Variants in ACACA observed in about 807,000 individuals in gnomAD.
ACACA encodes acetyl-CoA carboxylase 1.
In ACACA, 103 loss-of-function variants were observed where a neutral mutation model predicts 296.1. The observed-to-expected ratio is 0.35, with a 90% CI of 0.30 to 0.41. The LOEUF (loss-of-function observed/expected upper bound fraction) is 0.41. Ranked by LOEUF, ACACA falls within the 10% of genes least tolerant of loss-of-function variation. The pLI, the probability that ACACA is intolerant of heterozygous loss-of-function variation, is 1.00. For synonymous variants in ACACA, 953 were observed against 1,038.6 expected, an observed-to-expected ratio of 0.92 and a Z score of 1.58; for missense variants, 1,554 against 2,989.7, an observed-to-expected ratio of 0.52 and a Z score of 11.20.
rs1157146495 is a variant in ACACA at position 37,359,088 on chromosome 17, A to G, written c.39-19238T>C. 6.1e-6 allele frequency: 6 copies of G among 985,642 alleles called. No homozygotes were observed. The Admixed American group carries it at 3.7e-4, about 61-fold the overall frequency. 61.1% of individuals were successfully genotyped at this position (985,642 alleles called of 1,614,324 possible). A position where few individuals can be genotyped will look rare whatever the true frequency, so the allele number is the denominator to read the frequency against. ...GGAGGAGACGCCGGCGGCTCGGGCG[A>G]TGGCTGACAGGCGTGCAGCACCAGG... On this transcript the variant is annotated intron_variant, in intron 1 of 55. Coordinates refer to ENST00000616317, the MANE Select transcript of ACACA (RefSeq NM_198834.3).
intron 50 of ACACA, among the ~76,000 whole-genome samples, chr17:37,120,288 CAG>C (rs2074465227): frequency 6.6e-6 from 1 of 151,192 alleles, no homozygotes; most frequent in African/African-American, 2.4e-5. Context: ...TTTTTTGAGA[CAG>C]AGTCTTACCC....
At chr17:37,266,549 C>T (rs984758024) in intron 10 of ACACA, among the ~76,000 whole-genome samples, 24 of 151,324 alleles carry the variant, frequency 1.6e-4, no homozygotes, top group African/African-American at 5.8e-4. Context: ...ATTTCTGAGG[C>T]CTTAAAGTCA....
At chr17:37,222,815 A>G (rs2079360719) in intron 28 of ACACA, among the ~76,000 whole-genome samples, 1 of 152,192 alleles carries the variant, frequency 6.6e-6, no homozygotes, top group African/African-American at 2.4e-5. Flanking sequence ...AAAAACAACT[A>G]TTTGGCAACT....
chr17:37,347,773 AAAAT>A (rs2048699330), intron 1 of ACACA, among the ~76,000 whole-genome samples: 3 of 151,884 alleles, frequency 2.0e-5, no homozygotes, highest in African/African-American at 7.2e-5. Flanking sequence ...AGAAAGAAAA[AAAAT>A]TTTTTAACAA....
Position 37,113,197 on chromosome 17 carries a change from C to G in ACACA, c.6343G>C (p.Val2115Leu). The G allele has an allele frequency of 6.2e-7, 1 of 1,614,198 alleles. No homozygotes were observed. Among genetic ancestry groups the G allele is most frequent in the Non-Finnish European group, 8.5e-7 (1 of 1,180,034 alleles). ...VDGLRECCQPVLVYIPPQAEL... is the reference protein window; with the variant it reads ...VDGLRECCQPLLVYIPPQAEL... ...GCCTGGGGAGGAATGTAAACCAGCA[C>G]AGGCTGGCAGCACTCCCTCAAGCCA... The change falls in exon 51 of 56, where the codon GTG (valine) becomes CTG (leucine). Residue 2115 changes from valine (V) to leucine (L), a missense_variant. Val to Leu is a conservative substitution (Grantham distance 32). Coordinates refer to ENST00000616317, the MANE Select transcript of ACACA (RefSeq NM_198834.3). This position sits in a 1 kb window ranked among gnomAD's most constrained non-coding sequence, Gnocchi z 4.0.
chr17:37,174,005 TATATATA>T lies in ACACA; in HGVS notation c.5079+5248_5079+5254del, dbSNP rs1398879486. ...ATTTATATATATATATATATATATA[TATATATA>T]TATATATATTTTTTTTTTTTTTTTT... is the stretch of plus-strand genomic sequence containing the variant. On this transcript the variant is annotated intron_variant, in intron 41 of 55. Transcript: ENST00000616317. Among the ~76,000 whole-genome samples the T allele has an allele frequency of 2.0e-3, 29 of 14,472 alleles. 2 individuals carry two copies. The highest frequency in any genetic ancestry group is 0.017 in the East Asian group (10 of 596). 9.5% of individuals were successfully genotyped at this position (14,472 alleles called of 152,430 possible). A position where few individuals can be genotyped will look rare whatever the true frequency, so the allele number is the denominator to read the frequency against.
intron 4 of ACACA, among the ~76,000 whole-genome samples, chr17:37,284,298 C>A (rs557500236): frequency 6.6e-6 from 1 of 152,256 alleles, no homozygotes; most frequent in African/African-American, 2.4e-5. Context: ...ACTCTTTAAG[C>A]CTTCTCTTCT....
At chr17:37,199,770 C>T (rs1456246831) in intron 35 of ACACA, among the ~76,000 whole-genome samples, 1 of 151,088 alleles carries the variant, frequency 6.6e-6, no homozygotes, top group African/African-American at 2.4e-5. Flanking sequence ...TGGATAAATG[C>T]TTATGTTCAT....
At chr17:37,244,053 A>G (rs577542120) in intron 21 of ACACA, among the ~76,000 whole-genome samples, 1 of 152,140 alleles carries the variant, frequency 6.6e-6, no homozygotes, top group East Asian at 1.9e-4. Context: ...CATTGCCCCT[A>G]TTCTCCAGTT....
At chr17:37,130,323 A>C in intron 45 of ACACA, 105 bp from the exon 46 acceptor site, 1 of 1,403,048 alleles carries the variant, frequency 7.1e-7, no homozygotes, top group Non-Finnish European at 1.0e-6. Flanking sequence ...CAAAACAGAG[A>C]TTTCAGTCTC....
chr17:37,181,999 G>C (rs1846828597), intron 39 of ACACA, among the ~76,000 whole-genome samples: 1 of 147,608 alleles, frequency 6.8e-6, no homozygotes, highest in South Asian at 2.2e-4. Context: ...GCCATCTAAA[G>C]TGAGTTGAAT....
At chr17:37,150,950 G>C (rs4795173) in intron 44 of ACACA, among the ~76,000 whole-genome samples, 19,896 of 151,878 alleles carry the variant, frequency 0.13, 1,950 homozygotes, top group East Asian at 0.45. Context: ...TACTCAGGAG[G>C]CTGAGGCAGG....
chr17:37,393,819 GAA>G (rs5820211), intron 1 of ACACA, among the ~76,000 whole-genome samples: 1 of 134,168 alleles, frequency 7.5e-6, no homozygotes, highest in East Asian at 2.1e-4. Flanking sequence ...CTGTCTCAAA[GAA>G]AAAAAAAAAA....
intron 39 of ACACA, 118 bp from the exon 40 acceptor site, chr17:37,181,474 T>A: frequency 1.8e-6 from 2 of 1,082,382 alleles, no homozygotes; most frequent in Non-Finnish European, 2.8e-6. Flanking sequence ...GTAGGTTGAG[T>A]AGCTGAGATA....
chr17:37,320,551 T>C (rs2047306763), intron 3 of ACACA, among the ~76,000 whole-genome samples: 1 of 151,328 alleles, frequency 6.6e-6, no homozygotes, highest in South Asian at 2.1e-4. Flanking sequence ...AGGTTTTAGT[T>C]TAGTGTAGTA....
chr17:37,393,712 C>T (rs2050975889), intron 1 of ACACA, among the ~76,000 whole-genome samples: 1 of 151,822 alleles, frequency 6.6e-6, no homozygotes, highest in Non-Finnish European at 1.5e-5. Context: ...CATGCTGGTG[C>T]GCACCTGTAA....
intron 33 of ACACA, among the ~76,000 whole-genome samples, chr17:37,202,675 A>G (rs1221384427): frequency 1.5e-4 from 2 of 13,746 alleles, no homozygotes; most frequent in Non-Finnish European, 2.6e-4. Flanking sequence ...TTTCATATAT[A>G]TATATATATA....
intron 45 of ACACA, 56 bp from the exon 46 acceptor site, chr17:37,130,274 C>T (rs562397415): frequency 1.2e-6 from 2 of 1,603,324 alleles, no homozygotes; most frequent in African/African-American, 1.3e-5. Flanking sequence ...AAGGCATGGT[C>T]GATTTCACAA....
At chr17:37,105,877 AAAAGAAAG>A (rs929377770) in intron 52 of ACACA, among the ~76,000 whole-genome samples, 3 of 151,244 alleles carry the variant, frequency 2.0e-5, no homozygotes, top group Non-Finnish European at 2.9e-5. Flanking sequence ...AAAAAAAAAA[AAAAGAAAG>A]AAAGAAAGAA....
Sources: allele counts gnomAD v4.1 joint callset (sites outside exome capture counted in the v4.1 genomes callset), GRCh38; gene constraint gnomAD v4.1.1; non-coding constraint Gnocchi (gnomAD v3.1); transcripts MANE v1.5; gene names NCBI Gene and HGNC (gene_info 2026-07-23, HGNC 2026-07-21).